Variants in LAMTOR2 observed in about 807,000 individuals in gnomAD.
LAMTOR2 encodes ragulator complex protein LAMTOR2.
LAMTOR2 carries 4 observed loss-of-function variants against 15.8 expected under a neutral mutation model. The ratio of observed to expected loss-of-function variants is 0.25; its 90% CI spans 0.12 to 0.58. The LOEUF is 0.58. LAMTOR2 is among the 20% of genes least tolerant of loss of function. The pLI is 0.91. For synonymous variants in LAMTOR2, 62 were observed against 64.1 expected (o/e 0.97, Z 0.15); for missense variants, 100 against 161.0 (o/e 0.62, Z 2.05).
In LAMTOR2 at chr1:156,055,765, G is replaced by T. The variant is rs995857914; in HGVS notation, c.231+340G>T. ...CTCCCCGCTCCCCTCATGGGTTGTT[G>T]TGAAGGTCAGATGAAATAATGGGTA... On this transcript the variant is annotated intron_variant, in intron 2 of 3. Transcript: ENST00000368305. The surrounding 1 kb of genome is among the most constrained non-coding windows in gnomAD (Gnocchi z 4.8). 7.9e-5 allele frequency: 29 copies of T among 366,696 alleles called. No homozygotes were observed. The highest frequency in any genetic ancestry group is 1.0e-4 in the Non-Finnish European group (20 of 190,926). The allele number at this position is 366,696 out of a possible 1,614,324, so 22.7% of individuals were successfully genotyped here. A position where few individuals can be genotyped will look rare whatever the true frequency, so the allele number is the denominator to read the frequency against.
At chr1:156,056,325 ATATAGTAT>A (rs1260534051) in intron 2 of LAMTOR2, among the ~76,000 whole-genome samples, 7 of 152,306 alleles carry the variant, frequency 4.6e-5, no homozygotes, top group Admixed American at 1.3e-4. Flanking sequence ...TAAGTAAAAT[ATATAGTAT>A]ATATTAGGTA....
rs970361047 is a variant in LAMTOR2, at chr1:156,058,217, G to A, written c.322-98G>A. On this transcript the variant is annotated intron_variant, in intron 3 of 3. Transcript: ENST00000368305. ...CAGCTCCCAAGAGCAGGTGGGGGTT[G>A]GGGGCTGGTTGCTTCCTATGGCACT... 48 of 1,550,980 alleles carry A rather than the reference G, an allele frequency of 3.1e-5. No individual in the cohort carries two copies. The Admixed American group carries it at 8.0e-4, about 26-fold the overall frequency.
Position 156,055,171 on chromosome 1 carries a change from C to T in LAMTOR2, c.69-92C>T, listed in dbSNP as rs1330536911. 1.9e-6 allele frequency: 3 copies of T among 1,551,722 alleles called. No individual in the cohort carries two copies. Among genetic ancestry groups the T allele is most frequent in the Non-Finnish European group, 2.7e-6 (3 of 1,131,158 alleles). ...GGGACACGCTCAGGCCAGAGCCTTG[C>T]TGGATGTGCCCTTGGTGGGACTTGG... On this transcript the variant is annotated intron_variant, in intron 1 of 3. Coordinates refer to ENST00000368305, the MANE Select transcript of LAMTOR2 (RefSeq NM_014017.4). The surrounding 1 kb of genome is among the most constrained non-coding windows in gnomAD (Gnocchi z 4.8).
rs1233178270 is a variant in LAMTOR2, at chr1:156,054,919, G to A, written c.30G>A (p.Val10=). MLRPKALTQ[V]LSQANTGGVQ... ...TGCGCCCCAAGGCTTTGACCCAGGT[G>A]CTAAGCCAAGCCAACACTGGAGGCG... is the stretch of plus-strand genomic sequence containing the variant. Residue 10 remains valine (V), a synonymous_variant, in exon 1 of 4, where the codon GTG becomes GTA. Transcript: ENST00000368305. 4 of 1,612,842 alleles carry A rather than the reference G, an allele frequency of 2.5e-6. No homozygotes were observed. In the Admixed American group the frequency reaches 6.7e-5, roughly 27 times the overall value.
intron 2 of LAMTOR2, 118 bp from the exon 3 acceptor site, chr1:156,057,860 C>A: frequency 1.0e-6 from 1 of 958,898 alleles, no homozygotes; most frequent in Non-Finnish European, 1.7e-6. Context: ...GAACTTCCTG[C>A]TGTGCCCAGG....
chr1:156,055,405 T>C lies in LAMTOR2; in HGVS notation c.211T>C (p.Phe71Leu), dbSNP rs757710432. ...NQAFNEDNLKFILMDCMEGRV... is the reference protein window; with the variant it reads ...NQAFNEDNLKLILMDCMEGRV... ...AGCGTTTAATGAAGACAATCTCAAA[T>C]TCATCCTCATGGACTGCATGGTATG... Residue 71 changes from phenylalanine (F) to leucine (L), a missense_variant, in exon 2 of 4, where the codon TTC becomes CTC. By Grantham distance (22) the Phe-to-Leu change is conservative. Coordinates refer to ENST00000368305, the MANE Select transcript of LAMTOR2 (RefSeq NM_014017.4). This position sits in a 1 kb window ranked among gnomAD's most constrained non-coding sequence, Gnocchi z 4.8. The C allele has an allele frequency of 3.1e-5, 50 of 1,614,048 alleles. No individual in the cohort carries two copies. Among genetic ancestry groups the C allele is most frequent in the Non-Finnish European group, 3.6e-5 (43 of 1,180,036 alleles).
Position 156,057,973 on chromosome 1 carries a change from A to C in LAMTOR2, c.232-5A>C. The C allele has an allele frequency of 6.2e-7, 1 of 1,613,866 alleles. No homozygotes were observed. The highest frequency in any genetic ancestry group is 8.5e-7 in the Non-Finnish European group (1 of 1,179,856). ...CATCACATCCCATCATATCACCCCC[A>C]CCAGGAGGGCCGTGTAGCCATCACC... On this transcript the variant is annotated splice_polypyrimidine_tract_variant and splice_region_variant and intron_variant, in intron 2 of 3. Transcript: ENST00000368305.
chr1:156,054,812 C>A lies in LAMTOR2; in HGVS notation c.-78C>A. 6.9e-7 allele frequency: 1 copy of A among 1,451,386 alleles called. No individual in the cohort carries two copies. The highest frequency in any genetic ancestry group is 9.6e-7 in the Non-Finnish European group (1 of 1,043,112). 89.9% of individuals were successfully genotyped at this position (1,451,386 alleles called of 1,614,324 possible). A position where few individuals can be genotyped will look rare whatever the true frequency, so the allele number is the denominator to read the frequency against. ...GTCCCGGAGCAGGCCAACGGGACTA[C>A]GGGAAGCAGCGGGCAGCGGCCCGCG... On this transcript the variant is annotated 5_prime_UTR_variant, in exon 1 of 4. Coordinates refer to ENST00000368305, the MANE Select transcript of LAMTOR2 (RefSeq NM_014017.4).
intron 2 of LAMTOR2, among the ~76,000 whole-genome samples, chr1:156,057,462 T>C (rs1647412450): frequency 6.6e-6 from 1 of 151,676 alleles, no homozygotes; most frequent in Non-Finnish European, 1.5e-5. Flanking sequence ...ACATGTAATA[T>C]ACTTCATTTT....
In LAMTOR2 at chr1:156,055,241, A is replaced by C; in HGVS notation, c.69-22A>C. ...TACTCCCCGCTCTGAGCACATCGCT[A>C]TCCCTCCCCGCCCCTCACCAGGCTG... On this transcript the variant is annotated intron_variant, in intron 1 of 3. Transcript: ENST00000368305. The surrounding 1 kb of genome is among the most constrained non-coding windows in gnomAD (Gnocchi z 4.8). The C allele has an allele frequency of 1.9e-6, 3 of 1,613,062 alleles. No individual in the cohort carries two copies. The highest frequency in any genetic ancestry group is 2.2e-5 in the South Asian group (2 of 91,078).
In LAMTOR2 at chr1:156,055,576, A is replaced by G; in HGVS notation, c.231+151A>G. 2.4e-6 allele frequency: 2 copies of G among 834,274 alleles called. No homozygotes were observed. Among genetic ancestry groups the G allele is most frequent in the South Asian group, 1.6e-5 (1 of 64,080 alleles). 51.7% of individuals were successfully genotyped at this position (834,274 alleles called of 1,614,324 possible). The stretch of plus-strand genomic sequence containing the variant: ...TGCAGCAGCATTTGTAATAGGCAGG[A>G]CCCTATTCATCAAGTGGTGGTGAGG... On this transcript the variant is annotated intron_variant, in intron 2 of 3. Transcript: ENST00000368305. This position sits in a 1 kb window ranked among gnomAD's most constrained non-coding sequence, Gnocchi z 4.8.
rs1247612114 is a variant in LAMTOR2, at chr1:156,054,860, T to C, written c.-30T>C. On this transcript the variant is annotated 5_prime_UTR_variant, in exon 1 of 4. Coordinates refer to ENST00000368305, the MANE Select transcript of LAMTOR2 (RefSeq NM_014017.4). ...GCGGGAGGCACCTCGGAGATCTGGG[T>C]GCAAAAGCCCAGGGTTAGGAACCGT... is the stretch of plus-strand genomic sequence containing the variant. 6.2e-7 allele frequency: 1 copy of C among 1,610,284 alleles called. No homozygotes were observed. Among genetic ancestry groups the C allele is most frequent in the Non-Finnish European group, 8.5e-7 (1 of 1,178,458 alleles).
Position 156,055,160 on chromosome 1 carries a change from C to T in LAMTOR2, c.69-103C>T, listed in dbSNP as rs1647296297. 6.5e-7 allele frequency: 1 copy of T among 1,527,068 alleles called. No individual in the cohort carries two copies. Among genetic ancestry groups the T allele is most frequent in the African/African-American group, 1.4e-5 (1 of 73,148 alleles). 94.6% of individuals were successfully genotyped at this position (1,527,068 alleles called of 1,614,324 possible). A position where few individuals can be genotyped will look rare whatever the true frequency, so the allele number is the denominator to read the frequency against. On this transcript the variant is annotated intron_variant, in intron 1 of 3. Transcript: ENST00000368305. This position sits in a 1 kb window ranked among gnomAD's most constrained non-coding sequence, Gnocchi z 4.8. ...GGGCATGTTCCGGGACACGCTCAGGCCAGAGCCTTGCTGGATGTGCCCTTG... is the reference window on the plus strand; with the variant it reads ...GGGCATGTTCCGGGACACGCTCAGGTCAGAGCCTTGCTGGATGTGCCCTTG...
Position 156,055,252 on chromosome 1 carries a change from C to A in LAMTOR2, c.69-11C>A. Reference sequence around the variant, plus strand: ...CTGAGCACATCGCTATCCCTCCCCGCCCCTCACCAGGCTGCTGAATAACGA... The same window carrying A: ...CTGAGCACATCGCTATCCCTCCCCGACCCTCACCAGGCTGCTGAATAACGA... On this transcript the variant is annotated splice_polypyrimidine_tract_variant and intron_variant, in intron 1 of 3. Coordinates refer to ENST00000368305, the MANE Select transcript of LAMTOR2 (RefSeq NM_014017.4). This position sits in a 1 kb window ranked among gnomAD's most constrained non-coding sequence, Gnocchi z 4.8. The A allele has an allele frequency of 6.2e-7, 1 of 1,613,658 alleles. No individual in the cohort carries two copies. Among genetic ancestry groups the A allele is most frequent in the Non-Finnish European group, 8.5e-7 (1 of 1,180,000 alleles).
intron 2 of LAMTOR2, among the ~76,000 whole-genome samples, chr1:156,056,250 CGTT>C (rs566149031): frequency 6.6e-6 from 1 of 152,292 alleles, no homozygotes; most frequent in East Asian, 1.9e-4. Flanking sequence ...GATCTACCCA[CGTT>C]GGCCTCCCAA....
chr1:156,056,453 G>A (rs892627417), intron 2 of LAMTOR2, among the ~76,000 whole-genome samples: 7 of 152,220 alleles, frequency 4.6e-5, no homozygotes, highest in African/African-American at 1.7e-4. Context: ...ATGATCTGAA[G>A]AAAGGTGGGG....
Position 156,058,316 on chromosome 1 carries a change from C to T in LAMTOR2, c.323C>T (p.Ala108Val). 6.2e-7 allele frequency: 1 copy of T among 1,614,140 alleles called. No individual in the cohort carries two copies. Among genetic ancestry groups the T allele is most frequent in the Non-Finnish European group, 8.5e-7 (1 of 1,180,018 alleles). Residue 108 changes from alanine to valine, a missense_variant and splice_region_variant, in exon 4 of 4, where the codon GCC (alanine) becomes GTC (valine). By Grantham distance (64) the Ala-to-Val change is moderately conservative. Coordinates refer to ENST00000368305, the MANE Select transcript of LAMTOR2 (RefSeq NM_014017.4). ...CTGATCTCTGTTCTCCCTCTGCAGG[C>T]CCAGGCTTTGGTGCAGTACCTGGAG... ...TVGFGMLKAK[A>V]QALVQYLEEP...
intron 3 of LAMTOR2, 116 bp downstream of exon 3, chr1:156,058,183 G>A (rs1647435217): frequency 1.3e-6 from 2 of 1,493,670 alleles, no homozygotes; most frequent in South Asian, 2.3e-5. Context: ...GTCCATTTCT[G>A]GTGTGGGCCA....
intron 2 of LAMTOR2, among the ~76,000 whole-genome samples, chr1:156,057,304 G>A (rs1242856407): frequency 2.0e-5 from 3 of 151,858 alleles, no homozygotes; most frequent in Non-Finnish European, 4.4e-5. Flanking sequence ...ACCAGCCTTG[G>A]TGACCTAATA....
Sources: gnomAD v4.1 joint callset for allele counts (sites outside exome capture counted in the v4.1 genomes callset) on GRCh38, gnomAD v4.1.1 for gene constraint, Gnocchi (gnomAD v3.1) non-coding constraint, MANE v1.5 for transcripts, NCBI Gene and HGNC (gene_info 2026-07-23, HGNC 2026-07-21) for gene names.